Variants in CACNA2D1 observed in about 807,000 individuals in gnomAD.
The protein encoded by CACNA2D1 is calcium voltage-gated channel auxiliary subunit alpha2delta 1.
A neutral mutation model predicts 171.5 loss-of-function variants in CACNA2D1; 53 were observed. The observed-to-expected ratio is 0.31, with a 90% confidence interval of 0.25 to 0.39. The LOEUF (loss-of-function observed/expected upper bound fraction) is 0.39, where lower values mean the gene tolerates loss of function less well. Among genes scored for constraint, CACNA2D1 ranks in the 10% least tolerant of loss-of-function variants. CACNA2D1 has a pLI of 1.00. For synonymous variants in CACNA2D1, 442 were observed against 443.1 expected, an observed-to-expected ratio of 1.00 and a Z score of 0.03; for missense variants, 903 against 1,299.8, an observed-to-expected ratio of 0.69 and a Z score of 4.69.
At chr7:82,367,542 AT>A (rs1821882383) in intron 1 of CACNA2D1, among the ~76,000 whole-genome samples, 2 of 152,108 alleles carry the variant, frequency 1.3e-5, no homozygotes, top group African/African-American at 2.4e-5. Flanking sequence ...CAACCATGCA[AT>A]TATTATATTT....
At chr7:82,276,931 T>C (rs1172582536) in intron 3 of CACNA2D1, among the ~76,000 whole-genome samples, 1 of 151,870 alleles carries the variant, frequency 6.6e-6, no homozygotes, top group Non-Finnish European at 1.5e-5. Flanking sequence ...GTATTTTTAG[T>C]AGAGATAGGG....
chr7:82,291,461 AAT>A (rs1811570576), intron 3 of CACNA2D1, among the ~76,000 whole-genome samples: 1 of 134,558 alleles, frequency 7.4e-6, no homozygotes, highest in South Asian at 2.2e-4. Context: ...ATATATATTA[AAT>A]ATATAATATA....
At chr7:82,413,904 T>C (rs951836647) in intron 1 of CACNA2D1, among the ~76,000 whole-genome samples, 2 of 152,142 alleles carry the variant, frequency 1.3e-5, no homozygotes, top group Non-Finnish European at 2.9e-5. Flanking sequence ...ATTATTTTAT[T>C]AATGATATAC....
intron 1 of CACNA2D1, among the ~76,000 whole-genome samples, chr7:82,376,435 C>T (rs1343728310): frequency 6.6e-6 from 1 of 152,152 alleles, no homozygotes; most frequent in Non-Finnish European, 1.5e-5. Flanking sequence ...TAAAGGGAAA[C>T]AACCATGAGA....
chr7:82,415,064 G>C (rs1411082791), intron 1 of CACNA2D1, among the ~76,000 whole-genome samples: 1 of 152,010 alleles, frequency 6.6e-6, no homozygotes, highest in Non-Finnish European at 1.5e-5. Flanking sequence ...TTTATTTCTT[G>C]GGAAATCTGT....
At chr7:82,401,506 T>C (rs1354037990) in intron 1 of CACNA2D1, among the ~76,000 whole-genome samples, 1 of 140,684 alleles carries the variant, frequency 7.1e-6, no homozygotes, top group East Asian at 2.2e-4. Context: ...AATTGAACAA[T>C]GAGATCACAT....
intron 1 of CACNA2D1, among the ~76,000 whole-genome samples, chr7:82,377,780 GC>G (rs1415099265): frequency 6.6e-6 from 1 of 152,160 alleles, no homozygotes; most frequent in Admixed American, 6.5e-5. Context: ...AGAGAGGAAA[GC>G]CCAAGTCCCC....
At chr7:82,337,396 CT>C (rs1818124981) in intron 2 of CACNA2D1, among the ~76,000 whole-genome samples, 1 of 152,086 alleles carries the variant, frequency 6.6e-6, no homozygotes, top group South Asian at 2.1e-4. Context: ...CAAAGCTCTC[CT>C]GATATATGTT....
At chr7:82,352,601 G>C (rs1410186390) in intron 1 of CACNA2D1, among the ~76,000 whole-genome samples, 1 of 152,150 alleles carries the variant, frequency 6.6e-6, no homozygotes, top group Admixed American at 6.5e-5. Context: ...TGCAGGCTGG[G>C]TTTAAAAATG....
chr7:82,012,392 T>C (rs1799897157), intron 14 of CACNA2D1, 149 bp from the exon 15 acceptor site: 1 of 641,228 alleles, frequency 1.6e-6, no homozygotes, highest in Non-Finnish European at 2.8e-6. Flanking sequence ...AATTTCTATT[T>C]TGGGTACTCC....
intron 7 of CACNA2D1, among the ~76,000 whole-genome samples, chr7:82,069,086 A>C (rs1370507836): frequency 6.6e-6 from 1 of 152,176 alleles, no homozygotes; most frequent in Non-Finnish European, 1.5e-5. Flanking sequence ...ATGTTATGGT[A>C]AAATTGAACA....
intron 12 of CACNA2D1, among the ~76,000 whole-genome samples, chr7:82,019,659 A>G (rs1800947206): frequency 6.6e-6 from 1 of 152,180 alleles, no homozygotes; most frequent in Non-Finnish European, 1.5e-5. Context: ...TTCCAAAGCC[A>G]CAGGGTCAAC....
chr7:82,110,124 C>T (rs1224350847), intron 6 of CACNA2D1, among the ~76,000 whole-genome samples: 3 of 152,154 alleles, frequency 2.0e-5, no homozygotes, highest in Non-Finnish European at 4.4e-5. Flanking sequence ...ATGTCCACAA[C>T]TTTTTCATAA....
chr7:82,238,114 T>C (rs1476448235), intron 3 of CACNA2D1, among the ~76,000 whole-genome samples: 1 of 152,022 alleles, frequency 6.6e-6, no homozygotes, highest in Non-Finnish European at 1.5e-5. Context: ...CCTGAAACTT[T>C]GTCACACAGA....
chr7:82,096,285 G>A (rs1480141951), intron 6 of CACNA2D1, among the ~76,000 whole-genome samples: 1 of 152,038 alleles, frequency 6.6e-6, no homozygotes, highest in Non-Finnish European at 1.5e-5. Context: ...CCATAAAACT[G>A]TATTTATAAA....
chr7:82,291,680 C>A (rs1177621548), intron 3 of CACNA2D1, among the ~76,000 whole-genome samples: 1 of 119,188 alleles, frequency 8.4e-6, no homozygotes, highest in South Asian at 2.6e-4. Flanking sequence ...TCTTTTTTTT[C>A]TTTTTGTAGA....
intron 38 of CACNA2D1, among the ~76,000 whole-genome samples, chr7:81,953,133 A>C (rs186748899): frequency 1.3e-5 from 2 of 151,960 alleles, no homozygotes; most frequent in East Asian, 3.9e-4. Context: ...TACATCCCCA[A>C]ACTTACTGCT....
In CACNA2D1 at chr7:82,216,803, A is replaced by T. The variant is rs183690461; in HGVS notation, c.295-46194T>A. On this transcript the variant is annotated intron_variant, in intron 3 of 38. Transcript: ENST00000356860. ...CTAGATAGCAAAGAAACATCCATAA[A>T]TTTTTTTTTAAAAAAAGTAAATATA... Among the ~76,000 whole-genome samples the T allele has an allele frequency of 3.2e-4, 48 of 150,752 alleles. No individual in the cohort carries two copies. In the South Asian group the frequency reaches 3.6e-3, roughly 11 times the overall value.
intron 12 of CACNA2D1, among the ~76,000 whole-genome samples, chr7:82,027,434 C>G (rs573273272): frequency 6.6e-6 from 1 of 151,672 alleles, no homozygotes; most frequent in Non-Finnish European, 1.5e-5. Context: ...AATTCAGAAA[C>G]GTGTTCCATC....
Sources: allele counts gnomAD v4.1 joint callset (sites outside exome capture counted in the v4.1 genomes callset), GRCh38; gene constraint gnomAD v4.1.1; transcripts MANE v1.5; gene names NCBI Gene and HGNC (gene_info 2026-07-23, HGNC 2026-07-21).